Variants in XPNPEP3 observed in about 807,000 individuals in gnomAD.
The protein encoded by XPNPEP3 is xaa-Pro aminopeptidase 3.
XPNPEP3 carries 41 observed loss-of-function variants against 60.0 expected under a neutral mutation model. The observed-to-expected ratio is 0.68, with a 90% CI of 0.53 to 0.89. The LOEUF is 0.89. Among genes scored for constraint, XPNPEP3 ranks in the 40% least tolerant of loss-of-function variants. XPNPEP3 has a pLI of 0.00. For missense variants in XPNPEP3, 598 were observed against 638.9 expected, an observed-to-expected ratio of 0.94 and a Z score of 0.69; for synonymous variants, 212 against 223.2, an observed-to-expected ratio of 0.95 and a Z score of 0.45.
At chr22:40,888,329 G>C in intron 4 of XPNPEP3, 1 of 353,090 alleles carries the variant, frequency 2.8e-6, no homozygotes, top group Non-Finnish European at 5.8e-6. Context: ...CTGCAGTCTC[G>C]ACCTCCTGGG....
intron 9 of XPNPEP3, 142 bp from the exon 10 acceptor site, chr22:40,926,127 A>G: frequency 1.2e-6 from 1 of 847,446 alleles, no homozygotes; most frequent in Non-Finnish European, 2.0e-6. Context: ...ATCTCATTTA[A>G]TCCTCACAGC....
intron 8 of XPNPEP3, among the ~76,000 whole-genome samples, chr22:40,923,072 G>T (rs2058222761): frequency 6.6e-6 from 1 of 152,068 alleles, no homozygotes. Flanking sequence ...AGTTAGCCAG[G>T]TGTGGTGGCA....
intron 2 of XPNPEP3, among the ~76,000 whole-genome samples, chr22:40,873,088 T>C (rs1461481141): frequency 4.0e-5 from 6 of 148,438 alleles, no homozygotes; most frequent in African/African-American, 2.5e-5. Context: ...TTCTTTTTCT[T>C]TTTCTTTTTC....
intron 9 of XPNPEP3, 51 bp from the exon 10 acceptor site, chr22:40,926,218 C>T (rs1349800041): frequency 1.2e-6 from 2 of 1,609,358 alleles, no homozygotes; most frequent in South Asian, 1.1e-5. Flanking sequence ...TGCCCCAAAC[C>T]ACCCAGTTAC....
At chr22:40,862,656 A>G in intron 1 of XPNPEP3, 1 of 985,430 alleles carries the variant, frequency 1.0e-6, no homozygotes, top group African/African-American at 1.7e-5. Context: ...GTAGCCTGAT[A>G]TGTTAACTTT....
chr22:40,869,393 A>G (rs1407639907), intron 2 of XPNPEP3, among the ~76,000 whole-genome samples: 2 of 152,268 alleles, frequency 1.3e-5, no homozygotes, highest in South Asian at 4.1e-4. Flanking sequence ...AATATGATAG[A>G]CCTTATAATT....
intron 1 of XPNPEP3, chr22:40,861,928 A>G (rs984572826): frequency 3.1e-6 from 5 of 1,613,370 alleles, no homozygotes; most frequent in Non-Finnish European, 4.2e-6. Flanking sequence ...ACTTTATGAT[A>G]AGCTTTTTTA....
intron 1 of XPNPEP3, among the ~76,000 whole-genome samples, chr22:40,857,675 G>T (rs987336009): frequency 6.6e-6 from 1 of 152,218 alleles, no homozygotes; most frequent in Non-Finnish European, 1.5e-5. Context: ...TAACTGTTTC[G>T]AAATACTTCT....
intron 2 of XPNPEP3, chr22:40,870,223 T>C (rs2057998507): frequency 3.4e-6 from 1 of 292,276 alleles, no homozygotes; most frequent in Admixed American, 4.7e-5. Context: ...GTTATTTTTT[T>C]AAGTAGAATT....
intron 4 of XPNPEP3, among the ~76,000 whole-genome samples, chr22:40,898,466 G>T (rs1201472774): frequency 7.6e-6 from 1 of 130,906 alleles, no homozygotes; most frequent in Non-Finnish European, 1.5e-5. Context: ...TGTTAGCCAG[G>T]ATGGTCTTGA....
At chr22:40,920,213 CA>C (rs1186226847) in intron 7 of XPNPEP3, among the ~76,000 whole-genome samples, 22 of 151,946 alleles carry the variant, frequency 1.4e-4, no homozygotes, top group Admixed American at 6.6e-5. Flanking sequence ...ACTCAAAATA[CA>C]AAAATTAGCT....
At chr22:40,896,264 A>G (rs1333596087) in intron 4 of XPNPEP3, among the ~76,000 whole-genome samples, 2 of 152,052 alleles carry the variant, frequency 1.3e-5, no homozygotes, top group Non-Finnish European at 2.9e-5. Flanking sequence ...CCTGAGCTCG[A>G]GCACTCTGCC....
rs1264042431 is a variant in XPNPEP3, at chr22:40,862,131, C to T, written c.64+4886C>T. 8 of 1,467,916 alleles carry T rather than the reference C, an allele frequency of 5.4e-6. No homozygotes were observed. The Admixed American group carries it at 2.0e-4, about 38-fold the overall frequency. 90.9% of individuals were successfully genotyped at this position (1,467,916 alleles called of 1,614,324 possible). A position where few individuals can be genotyped will look rare whatever the true frequency, so the allele number is the denominator to read the frequency against. On this transcript the variant is annotated intron_variant, in intron 1 of 9. Transcript: ENST00000357137. Reference sequence around the variant, plus strand: ...TTTATGTTAAAGACAATGTTATTACCATGTGCTAAGAGATGAGGATACTGA... The same window carrying T: ...TTTATGTTAAAGACAATGTTATTACTATGTGCTAAGAGATGAGGATACTGA...
intron 4 of XPNPEP3, among the ~76,000 whole-genome samples, chr22:40,895,240 AT>A (rs2058103182): frequency 6.6e-6 from 1 of 152,164 alleles, no homozygotes; most frequent in Non-Finnish European, 1.5e-5. Flanking sequence ...CATGCTGCAT[AT>A]AGTTCATTTC....
At chr22:40,923,592 C>T (rs1363911847) in intron 8 of XPNPEP3, among the ~76,000 whole-genome samples, 3 of 152,130 alleles carry the variant, frequency 2.0e-5, no homozygotes, top group African/African-American at 7.2e-5. Context: ...TGGCTCACAC[C>T]TGTAATCCCA....
intron 1 of XPNPEP3, among the ~76,000 whole-genome samples, chr22:40,858,647 T>C (rs1356571926): frequency 6.7e-6 from 1 of 148,398 alleles, no homozygotes; most frequent in East Asian, 2.1e-4. Flanking sequence ...TTCTCCTGTC[T>C]CAGCCTCCCG....
intron 2 of XPNPEP3, among the ~76,000 whole-genome samples, chr22:40,875,016 C>A (rs2058022286): frequency 6.6e-6 from 1 of 152,102 alleles, no homozygotes; most frequent in Non-Finnish European, 1.5e-5. Flanking sequence ...ATAGATTATA[C>A]CTGATAGAAT....
intron 1 of XPNPEP3, among the ~76,000 whole-genome samples, chr22:40,858,399 A>G (rs1166376359): frequency 6.6e-6 from 1 of 152,052 alleles, no homozygotes; most frequent in East Asian, 1.9e-4. Context: ...CTTTTATTTG[A>G]AAGGCTCTCC....
rs2058234171 is a variant in XPNPEP3 at position 40,926,265 on chromosome 22, A to C, written c.1358-4A>C. On this transcript the variant is annotated splice_region_variant and splice_polypyrimidine_tract_variant and intron_variant, in intron 9 of 9. Coordinates refer to ENST00000357137, the MANE Select transcript of XPNPEP3 (RefSeq NM_022098.4). ...AACAGCATGTTCTTCTTTCTACTTC[A>C]CAGGCATTTATATTCCAGAGGATGA... is the stretch of plus-strand genomic sequence containing the variant. The C allele has an allele frequency of 1.9e-6, 3 of 1,613,974 alleles. No homozygotes were observed. In the African/African-American group the frequency reaches 4.0e-5, roughly 22 times the overall value.
Sources: gnomAD v4.1 joint callset for allele counts (sites outside exome capture counted in the v4.1 genomes callset) on GRCh38, gnomAD v4.1.1 for gene constraint, MANE v1.5 for transcripts, NCBI Gene and HGNC (gene_info 2026-07-23, HGNC 2026-07-21) for gene names.